The following NCKAP5 variants were observed in gnomAD, a reference collection of about 807,000 sequenced individuals.
The protein encoded by NCKAP5 is NCK associated protein 5.
Under a neutral mutation model 167.0 loss-of-function variants are expected in NCKAP5, and 92 were observed. That is an observed-to-expected ratio of 0.55 (90% CI 0.47 to 0.66). The LOEUF (loss-of-function observed/expected upper bound fraction) is 0.66. Among genes scored for constraint, NCKAP5 ranks in the 30% least tolerant of loss-of-function variants. The pLI is 0.00. For synonymous variants in NCKAP5, 891 were observed against 877.4 expected, an observed-to-expected ratio of 1.02 and a Z score of -0.27; for missense variants, 2,378 against 2,315.0, an observed-to-expected ratio of 1.03 and a Z score of -0.56.
chr2:132,892,036 C>A (rs1349821855), intron 8 of NCKAP5, among the ~76,000 whole-genome samples: 2 of 152,172 alleles, frequency 1.3e-5, no homozygotes, highest in African/African-American at 2.4e-5. Context: ...CCATTTGTAA[C>A]CACGGCCACT....
intron 5 of NCKAP5, among the ~76,000 whole-genome samples, chr2:133,183,046 A>T (rs1277700936): frequency 6.6e-6 from 1 of 152,068 alleles, no homozygotes; most frequent in Admixed American, 6.6e-5. Flanking sequence ...ACAAACTACC[A>T]TAACTCACCC....
intron 8 of NCKAP5, among the ~76,000 whole-genome samples, chr2:132,894,062 C>A (rs1692941114): frequency 6.6e-6 from 1 of 152,080 alleles, no homozygotes; most frequent in South Asian, 2.1e-4. Flanking sequence ...GCGGATGGAG[C>A]CAGTTGCTGA....
chr2:133,063,999 G>A (rs1004253914), intron 6 of NCKAP5, among the ~76,000 whole-genome samples: 3 of 152,112 alleles, frequency 2.0e-5, no homozygotes, highest in Admixed American at 6.6e-5. Flanking sequence ...CCAAAACATC[G>A]TTTCTTAGCA....
At chr2:133,488,789 A>G (rs1681151558) in intron 3 of NCKAP5, among the ~76,000 whole-genome samples, 1 of 152,066 alleles carries the variant, frequency 6.6e-6, no homozygotes, top group African/African-American at 2.4e-5. Flanking sequence ...GGTGGCACGC[A>G]CCTATAGTCT....
the NCKAP5 span, among the ~76,000 whole-genome samples, chr2:133,613,501 A>G: frequency 1.6e-4 from 25 of 152,214 alleles, no homozygotes; most frequent in African/African-American, 6.0e-4. Flanking sequence ...CCATTCAATT[A>G]TTCAAAAAAA....
chr2:133,418,583 AT>A (rs1309053647), intron 3 of NCKAP5, among the ~76,000 whole-genome samples: 1 of 152,120 alleles, frequency 6.6e-6, no homozygotes, highest in Non-Finnish European at 1.5e-5. Context: ...AGAGTTCAAG[AT>A]GGTATGGGGG....
At chr2:133,545,933 C>G (rs1686624191) in intron 2 of NCKAP5, among the ~76,000 whole-genome samples, 1 of 152,120 alleles carries the variant, frequency 6.6e-6, no homozygotes, top group Non-Finnish European at 1.5e-5. Context: ...TAAAAATGCC[C>G]TGAAATTATT....
At chr2:133,437,774 C>T (rs1690586232) in intron 3 of NCKAP5, among the ~76,000 whole-genome samples, 1 of 152,190 alleles carries the variant, frequency 6.6e-6, no homozygotes, top group East Asian at 1.9e-4. Flanking sequence ...TATTTAAACT[C>T]TCCAAGCCTG....
intron 10 of NCKAP5, among the ~76,000 whole-genome samples, chr2:132,867,205 C>T (rs1690426296): frequency 6.6e-6 from 1 of 151,946 alleles, no homozygotes; most frequent in Admixed American, 6.6e-5. Flanking sequence ...CCTGAGGCAC[C>T]ATTAACAAAA....
intron 3 of NCKAP5, among the ~76,000 whole-genome samples, chr2:133,307,211 C>T (rs1324753990): frequency 1.3e-5 from 2 of 151,922 alleles, no homozygotes; most frequent in Non-Finnish European, 2.9e-5. Flanking sequence ...ACATACAGTC[C>T]TGAGGAGGAT....
chr2:133,323,414 T>C (rs1279171126), intron 3 of NCKAP5, among the ~76,000 whole-genome samples: 1 of 152,212 alleles, frequency 6.6e-6, no homozygotes, highest in Non-Finnish European at 1.5e-5. Context: ...TTTCAGCATC[T>C]CAGGGTTTTC....
At chr2:133,023,156 A>G (rs2078584466) in intron 6 of NCKAP5, among the ~76,000 whole-genome samples, 1 of 152,172 alleles carries the variant, frequency 6.6e-6, no homozygotes, top group Admixed American at 6.5e-5. Context: ...TGAGACAATC[A>G]ATGTGTGTTT....
At position 132,796,741 on chromosome 2, in the gene NCKAP5, C is replaced by A; in HGVS notation, c.808-12G>T. ...CGTGAGTGAAGTTTCTAGGTAAAAC[C>A]AAGCAGAAACATTGAATAGCGATAA... On this transcript the variant is annotated splice_polypyrimidine_tract_variant and intron_variant, in intron 11 of 19. Transcript: ENST00000409261. 1.3e-6 allele frequency: 2 copies of A among 1,530,896 alleles called. No homozygotes were observed. The highest frequency in any genetic ancestry group is 1.8e-6 in the Non-Finnish European group (2 of 1,107,170). 94.8% of individuals were successfully genotyped at this position (1,530,896 alleles called of 1,614,324 possible).
At chr2:133,572,729 G>A (rs762132847), upstream of NCKAP5, among the ~76,000 whole-genome samples, 1 of 152,176 alleles carries the variant, frequency 6.6e-6, no homozygotes, top group Non-Finnish European at 1.5e-5. Flanking sequence ...GGAATAGGAA[G>A]CACAGGAAAT....
intron 6 of NCKAP5, among the ~76,000 whole-genome samples, chr2:133,065,231 C>T (rs985732408): frequency 2.0e-5 from 3 of 152,130 alleles, no homozygotes; most frequent in East Asian, 1.9e-4. Context: ...GGAAAAACGA[C>T]GACAACTATG....
intron 2 of NCKAP5, among the ~76,000 whole-genome samples, chr2:133,534,500 C>A (rs1195958347): frequency 6.6e-6 from 1 of 152,084 alleles, no homozygotes; most frequent in African/African-American, 2.4e-5. Context: ...ATCCCCTACC[C>A]CTTACCCAGC....
intron 6 of NCKAP5, among the ~76,000 whole-genome samples, chr2:133,087,514 G>T (rs534372903): frequency 1.4e-4 from 21 of 152,162 alleles, no homozygotes; most frequent in Non-Finnish European, 7.4e-5. Context: ...GAAATGTGTT[G>T]TTTCTTAATG....
At chr2:132,778,467 A>G (rs1020944825) in intron 15 of NCKAP5, among the ~76,000 whole-genome samples, 7 of 152,106 alleles carry the variant, frequency 4.6e-5, no homozygotes, top group Admixed American at 4.6e-4. Flanking sequence ...ATCTATTATT[A>G]TTATATATTA....
At chr2:132,714,131 G>A (rs1384712154) in intron 19 of NCKAP5, among the ~76,000 whole-genome samples, 1 of 152,148 alleles carries the variant, frequency 6.6e-6, no homozygotes, top group African/African-American at 2.4e-5. Flanking sequence ...GTTTTGGGAA[G>A]GCTTAATCAG....
Sources: allele counts gnomAD v4.1 joint callset (sites outside exome capture counted in the v4.1 genomes callset), GRCh38; gene constraint gnomAD v4.1.1; transcripts MANE v1.5; gene names NCBI Gene and HGNC (gene_info 2026-07-23, HGNC 2026-07-21).